The following PCDH11X variants were observed in gnomAD, a reference collection of about 807,000 sequenced individuals.
PCDH11X encodes the protein protocadherin-11 X-linked.
Under a neutral mutation model 53.3 loss-of-function variants are expected in PCDH11X, and 18 were observed. The ratio of observed to expected loss-of-function variants is 0.34; its 90% CI spans 0.23 to 0.50. The LOEUF is 0.50. Among genes scored for constraint, PCDH11X ranks in the 20% least tolerant of loss-of-function variants. The pLI is 0.98. For missense variants in PCDH11X, 570 were observed against 1,032.4 expected (o/e 0.55, Z 6.14); for synonymous variants, 279 against 393.3 (o/e 0.71, Z 3.44).
intron 6 of PCDH11X, among the ~76,000 whole-genome samples, chrX:92,013,193 A>T (rs1207819462): frequency 1.8e-5 from 2 of 112,027 alleles, no homozygotes; most frequent in Admixed American, 1.9e-4. Flanking sequence ...GTCTCGGGAT[A>T]CAAAATCAAT....
At chrX:92,323,812 C>T (rs1237925130) in intron 8 of PCDH11X, among the ~76,000 whole-genome samples, 4 of 111,049 alleles carry the variant, frequency 3.6e-5, no homozygotes, top group African/African-American at 1.3e-4. Context: ...GAATCCATTT[C>T]AGTTAAATAT....
At chrX:92,067,030 G>A (rs2063619032) in intron 6 of PCDH11X, among the ~76,000 whole-genome samples, 1 of 112,348 alleles carries the variant, frequency 8.9e-6, no homozygotes, top group Non-Finnish European at 1.9e-5. Context: ...CTTGAACCTG[G>A]GAGATGGAGG....
At chrX:92,358,667 G>T (rs2070273573) in intron 8 of PCDH11X, among the ~76,000 whole-genome samples, 2 of 102,935 alleles carry the variant, frequency 1.9e-5, no homozygotes, top group African/African-American at 7.0e-5. Context: ...GACACAACCT[G>T]GGTAGTCACA....
chrX:92,398,331 G>A (rs2071293939), intron 9 of PCDH11X, among the ~76,000 whole-genome samples: 1 of 111,216 alleles, frequency 9.0e-6, no homozygotes, highest in Admixed American at 9.6e-5. Flanking sequence ...AAAACATACT[G>A]CTTTCAGGGC....
At chrX:92,000,804 G>A (rs1457471158) in intron 6 of PCDH11X, among the ~76,000 whole-genome samples, 2 of 83,488 alleles carry the variant, frequency 2.4e-5, no homozygotes, top group African/African-American at 8.9e-5. Flanking sequence ...TTTTTAGATC[G>A]CACAAATAAG....
At chrX:92,234,294 T>C (rs2067132580) in intron 7 of PCDH11X, among the ~76,000 whole-genome samples, 1 of 111,756 alleles carries the variant, frequency 8.9e-6, no homozygotes, top group Admixed American at 9.5e-5. Flanking sequence ...AAATGATAAT[T>C]ATAGTGATAG....
intron 8 of PCDH11X, among the ~76,000 whole-genome samples, chrX:92,289,257 G>A (rs1169065469): frequency 9.1e-6 from 1 of 110,425 alleles, no homozygotes; most frequent in Non-Finnish European, 1.9e-5. Flanking sequence ...TTTCAGATCA[G>A]GTATTTAAAA....
intron 7 of PCDH11X, among the ~76,000 whole-genome samples, chrX:92,215,269 G>A (rs574542356): frequency 5.9e-4 from 65 of 109,517 alleles, no homozygotes; most frequent in South Asian, 5.6e-3. Flanking sequence ...CTCGGGAAGC[G>A]CAAGGGGTCA....
intron 10 of PCDH11X, among the ~76,000 whole-genome samples, chrX:92,553,734 C>A (rs1445472890): frequency 3.7e-5 from 4 of 108,316 alleles, no homozygotes; most frequent in African/African-American, 1.3e-4. Context: ...ACTGCTTTTG[C>A]TGTATCCCAT....
chrX:91,783,013 A>G (rs1461405265), intron 1 of PCDH11X, among the ~76,000 whole-genome samples: 2 of 111,812 alleles, frequency 1.8e-5, no homozygotes, highest in Non-Finnish European at 3.8e-5. Context: ...CTTCCAAAGG[A>G]AAAAACCTTC....
At chrX:92,242,774 T>TTAC (rs764711868) in intron 7 of PCDH11X, among the ~76,000 whole-genome samples, 1 of 110,298 alleles carries the variant, frequency 9.1e-6, no homozygotes, top group African/African-American at 3.3e-5. Flanking sequence ...TTTGGTGGTA[T>TTAC]TATTATTATT....
intron 10 of PCDH11X, among the ~76,000 whole-genome samples, chrX:92,503,714 G>A (rs1049669457): frequency 9.1e-6 from 1 of 109,561 alleles, no homozygotes; most frequent in South Asian, 4.0e-4. Flanking sequence ...AACACACACT[G>A]GGCACCTGTA....
intron 1 of PCDH11X, among the ~76,000 whole-genome samples, chrX:91,806,919 G>T (rs1236455041): frequency 4.5e-5 from 5 of 111,961 alleles, no homozygotes; most frequent in African/African-American, 1.6e-4. Context: ...TAATGCCAAA[G>T]ATGTGGTCTT....
intron 7 of PCDH11X, among the ~76,000 whole-genome samples, chrX:92,229,918 A>G (rs927681666): frequency 9.0e-6 from 1 of 110,713 alleles, no homozygotes; most frequent in Non-Finnish European, 1.9e-5. Context: ...CACCCTAAGA[A>G]AAGGCCCCTA....
At chrX:92,166,523 A>G (rs1475598997) in intron 6 of PCDH11X, among the ~76,000 whole-genome samples, 2 of 106,803 alleles carry the variant, frequency 1.9e-5, no homozygotes, top group Non-Finnish European at 3.8e-5. Context: ...TCCATATATC[A>G]AGACAGATTA....
At chrX:92,331,689 C>T (rs974120752) in intron 8 of PCDH11X, among the ~76,000 whole-genome samples, 5 of 110,750 alleles carry the variant, frequency 4.5e-5, no homozygotes, top group African/African-American at 1.6e-4. Flanking sequence ...GGAAATTTTA[C>T]AGAGAAAATT....
intron 10 of PCDH11X, chrX:92,515,256 T>G: frequency 9.4e-6 from 1 of 105,843 alleles, no homozygotes; most frequent in Non-Finnish European, 2.0e-5. Context: ...AGAATATTTT[T>G]GCAAATACCC....
intron 9 of PCDH11X, chrX:92,459,848 G>T: frequency 8.9e-7 from 1 of 1,122,297 alleles, no homozygotes; most frequent in South Asian, 1.9e-5. Flanking sequence ...ATGGGGCCTG[G>T]GGGCCTGGCC....
intron 10 of PCDH11X, among the ~76,000 whole-genome samples, chrX:92,529,538 G>T (rs1377831417): frequency 9.4e-6 from 1 of 106,572 alleles, no homozygotes; most frequent in African/African-American, 3.4e-5. Context: ...GTAGCATTGA[G>T]ATGGGAGAGA....
Sources: gnomAD v4.1 joint callset for allele counts (sites outside exome capture counted in the v4.1 genomes callset) on GRCh38, gnomAD v4.1.1 for gene constraint, MANE v1.5 for transcripts, NCBI Gene and HGNC (gene_info 2026-07-23, HGNC 2026-07-21) for gene names.